KCTD16: variants seen among roughly 807,000 people sequenced by gnomAD.
KCTD16 encodes potassium channel tetramerization domain containing 16.
Under a neutral mutation model 33.2 loss-of-function variants are expected in KCTD16, and 13 were observed. The observed-to-expected ratio is 0.39, with a 90% CI of 0.25 to 0.62. The LOEUF (loss-of-function observed/expected upper bound fraction) is 0.62, where lower values mean the gene tolerates loss of function less well. KCTD16 is among the 20% of genes least tolerant of loss of function. KCTD16 has a pLI of 0.50. For synonymous variants in KCTD16, 197 were observed against 195.3 expected (o/e 1.01, Z -0.07); for missense variants, 441 against 525.1 (o/e 0.84, Z 1.57).
intron 1 of KCTD16, among the ~76,000 whole-genome samples, chr5:144,171,714 A>T (rs1179443002): frequency 6.6e-6 from 1 of 152,196 alleles, no homozygotes; most frequent in Non-Finnish European, 1.5e-5. Flanking sequence ...GAGTGACTGG[A>T]ACAGCAAGTG....
At chr5:144,342,630 TGA>T (rs1323999975) in intron 3 of KCTD16, among the ~76,000 whole-genome samples, 1 of 152,178 alleles carries the variant, frequency 6.6e-6, no homozygotes, top group Admixed American at 6.6e-5. Context: ...ATCGGAGTGG[TGA>T]GAGAGGGCAT....
intron 3 of KCTD16, among the ~76,000 whole-genome samples, chr5:144,220,050 G>T (rs1035383763): frequency 6.6e-6 from 1 of 152,076 alleles, no homozygotes; most frequent in Non-Finnish European, 1.5e-5. Context: ...CACCTGTCCT[G>T]CCCCTTCTTT....
intron 3 of KCTD16, among the ~76,000 whole-genome samples, chr5:144,275,659 C>T (rs1273006161): frequency 6.6e-6 from 1 of 152,110 alleles, no homozygotes; most frequent in East Asian, 1.9e-4. Flanking sequence ...TTAATTTACT[C>T]TAAATTTAAA....
chr5:144,444,204 T>TC (rs558352780), intron 3 of KCTD16, among the ~76,000 whole-genome samples: 32 of 90,342 alleles, frequency 3.5e-4, no homozygotes, highest in African/African-American at 1.4e-3. Context: ...CCCCAACCCC[T>TC]CCCCCCTCCA....
chr5:144,466,242 T>TG (rs1754329294), intron 3 of KCTD16, among the ~76,000 whole-genome samples: 1 of 149,626 alleles, frequency 6.7e-6, no homozygotes, highest in Non-Finnish European at 1.5e-5. Context: ...AGCTAGGGTT[T>TG]TTTTTTTTTT....
rs531679847 is a variant in KCTD16, at chr5:144,419,147, C to A, written c.833-54513C>A. Among the ~76,000 whole-genome samples the A allele has an allele frequency of 3.3e-5, 5 of 152,160 alleles. No individual in the cohort carries two copies. In the East Asian group the frequency reaches 9.7e-4, roughly 29 times the overall value. On this transcript the variant is annotated intron_variant, in intron 3 of 3. Transcript: ENST00000512467. ...TGGTAAGAAGTTATTTCCATTGTGCCCATTTGACACATATTTCTTGCTCAG... is the reference window on the plus strand; with the variant it reads ...TGGTAAGAAGTTATTTCCATTGTGCACATTTGACACATATTTCTTGCTCAG...
intron 2 of KCTD16, among the ~76,000 whole-genome samples, chr5:144,193,382 G>A (rs1235239618): frequency 6.6e-6 from 1 of 152,080 alleles, no homozygotes; most frequent in Non-Finnish European, 1.5e-5. Context: ...GCCGAGCTTA[G>A]TTTCACCTCA....
At chr5:144,253,009 C>G (rs1040696572) in intron 3 of KCTD16, among the ~76,000 whole-genome samples, 1 of 151,344 alleles carries the variant, frequency 6.6e-6, no homozygotes, top group African/African-American at 2.4e-5. Context: ...GCCAGACCTG[C>G]TTGGAGCCAT....
At chr5:144,345,556 A>G (rs1370950603) in intron 3 of KCTD16, among the ~76,000 whole-genome samples, 3 of 152,146 alleles carry the variant, frequency 2.0e-5, no homozygotes, top group South Asian at 4.1e-4. Flanking sequence ...CCTCTTATCC[A>G]TTCACTCAGA....
At chr5:144,455,614 T>A (rs1249641956) in intron 3 of KCTD16, among the ~76,000 whole-genome samples, 2 of 151,802 alleles carry the variant, frequency 1.3e-5, no homozygotes, top group African/African-American at 4.8e-5. Flanking sequence ...ATGGAGAGAG[T>A]TGGGACTGAA....
At chr5:144,322,728 A>T (rs866905876) in intron 3 of KCTD16, among the ~76,000 whole-genome samples, 196 of 129,610 alleles carry the variant, frequency 1.5e-3, no homozygotes, top group African/African-American at 6.4e-3. Flanking sequence ...AAACTTTATT[A>T]AAAAAAAAAA....
Position 144,207,044 on chromosome 5 carries a change from T to C in KCTD16, c.330T>C (p.Ala110=), listed in dbSNP as rs1303918503. 2 of 1,614,168 alleles carry C rather than the reference T, an allele frequency of 1.2e-6. No homozygotes were observed. The highest frequency in any genetic ancestry group is 2.2e-5 in the South Asian group (2 of 91,072). Residue 110 remains alanine, a synonymous_variant, in exon 3 of 4, where the codon GCT becomes GCC. Coordinates refer to ENST00000512467, the MANE Select transcript of KCTD16 (RefSeq NM_020768.4). ...FPEKGRLKRE[A]EYFQLPDLVK... is the part of the protein sequence containing the mutation. ...AAAAAGGAAGACTGAAAAGGGAAGCTGAATACTTCCAGCTCCCAGACTTGG... is the reference window on the plus strand; with the variant it reads ...AAAAAGGAAGACTGAAAAGGGAAGCCGAATACTTCCAGCTCCCAGACTTGG...
chr5:144,411,343 A>G (rs1360538540), intron 3 of KCTD16, among the ~76,000 whole-genome samples: 1 of 152,174 alleles, frequency 6.6e-6, no homozygotes, highest in Non-Finnish European at 1.5e-5. Flanking sequence ...GCATGAAGAG[A>G]CCAATGGAAA....
intron 3 of KCTD16, among the ~76,000 whole-genome samples, chr5:144,332,749 G>A (rs994488091): frequency 4.6e-5 from 7 of 152,126 alleles, no homozygotes; most frequent in African/African-American, 1.7e-4. Flanking sequence ...CAAAGAAACA[G>A]CCAGATCTCC....
chr5:144,463,253 T>C (rs1305135203), intron 3 of KCTD16, among the ~76,000 whole-genome samples: 5 of 152,172 alleles, frequency 3.3e-5, no homozygotes, highest in African/African-American at 1.2e-4. Context: ...TGAAGGTGGG[T>C]TCTGAGTAGA....
chr5:144,229,792 T>C (rs981048775), intron 3 of KCTD16, among the ~76,000 whole-genome samples: 2 of 152,192 alleles, frequency 1.3e-5, no homozygotes, highest in Admixed American at 1.3e-4. Flanking sequence ...ATGTTTTGTG[T>C]CATTCGCTAA....
At chr5:144,274,418 G>A (rs1354268820) in intron 3 of KCTD16, among the ~76,000 whole-genome samples, 1 of 152,120 alleles carries the variant, frequency 6.6e-6, no homozygotes, top group African/African-American at 2.4e-5. Context: ...GCCTTACCAA[G>A]GCATGGTGAT....
At chr5:144,472,637 T>C (rs1462792237) in intron 3 of KCTD16, among the ~76,000 whole-genome samples, 1 of 152,226 alleles carries the variant, frequency 6.6e-6, no homozygotes, top group East Asian at 1.9e-4. Context: ...TTCTACATTG[T>C]TCCTTGGCAT....
At chr5:144,273,120 T>C (rs996131535) in intron 3 of KCTD16, among the ~76,000 whole-genome samples, 5 of 151,974 alleles carry the variant, frequency 3.3e-5, no homozygotes, top group Non-Finnish European at 7.4e-5. Flanking sequence ...CTCCTAAAAC[T>C]CAAAAACAAA....
Sources: gnomAD v4.1 joint callset for allele counts (sites outside exome capture counted in the v4.1 genomes callset) on GRCh38, gnomAD v4.1.1 for gene constraint, MANE v1.5 for transcripts, NCBI Gene and HGNC (gene_info 2026-07-23, HGNC 2026-07-21) for gene names.